The following SMC5 variants were observed in gnomAD, a reference collection of about 807,000 sequenced individuals.
SMC5 encodes the protein structural maintenance of chromosomes 5.
SMC5 carries 88 observed loss-of-function variants against 148.3 expected under a neutral mutation model. The ratio of observed to expected loss-of-function variants is 0.59; its 90% CI spans 0.50 to 0.71. SMC5 has a LOEUF of 0.71. SMC5 is among the 30% of genes least tolerant of loss of function. SMC5 has a pLI of 0.00. For synonymous variants in SMC5, 421 were observed against 432.8 expected (o/e 0.97, Z 0.34); for missense variants, 1,142 against 1,298.9 (o/e 0.88, Z 1.86).
At chr9:70,311,420 A>G (rs1021408760) in intron 11 of SMC5, 2 of 152,206 alleles carry the variant, frequency 1.3e-5, no homozygotes, top group Non-Finnish European at 2.9e-5. Context: ...TGGCACTCCA[A>G]TGACAATGGT....
intron 9 of SMC5, among the ~76,000 whole-genome samples, chr9:70,298,496 T>C (rs2035268017): frequency 1.3e-5 from 2 of 152,210 alleles, no homozygotes; most frequent in African/African-American, 4.8e-5. Flanking sequence ...ACAAAGTCAC[T>C]CACTATTACT....
At chr9:70,281,615 G>T (rs2034752136) in intron 6 of SMC5, among the ~76,000 whole-genome samples, 1 of 152,168 alleles carries the variant, frequency 6.6e-6, no homozygotes, top group Admixed American at 6.5e-5. Context: ...AAGTTTTGTA[G>T]TGTTTGTTCC....
chr9:70,312,578 G>T (rs913322623), intron 11 of SMC5, among the ~76,000 whole-genome samples: 10 of 152,194 alleles, frequency 6.6e-5, no homozygotes, highest in Non-Finnish European at 1.3e-4. Flanking sequence ...TTCCACAAAT[G>T]CTCTTTATTA....
chr9:70,347,544 A>G (rs935156819), intron 20 of SMC5, 69 bp from the exon 21 acceptor site: 8 of 815,594 alleles, frequency 9.8e-6, no homozygotes, highest in African/African-American at 8.9e-5. Context: ...GTTTTAATCA[A>G]TGCAAAATTG....
At chr9:70,277,198 CATA>C in intron 3 of SMC5, 109 bp from the exon 4 acceptor site, 1 of 852,652 alleles carries the variant, frequency 1.2e-6, no homozygotes, top group Non-Finnish European at 1.6e-6. Flanking sequence ...GAGTAAAAAT[CATA>C]ATAATAATTC....
chr9:70,311,235 C>T (rs1215893865), intron 11 of SMC5: 1 of 152,134 alleles, frequency 6.6e-6, no homozygotes, highest in South Asian at 2.1e-4. Context: ...TTCACCTGAA[C>T]ACTTAGAGGC....
chr9:70,311,687 AC>A (rs1420031701), intron 11 of SMC5: 17 of 149,244 alleles, frequency 1.1e-4, no homozygotes, highest in African/African-American at 4.2e-4. Context: ...ATTACCCACT[AC>A]CATTTGACCA....
intron 7 of SMC5, among the ~76,000 whole-genome samples, chr9:70,283,731 T>C (rs1042165883): frequency 6.6e-6 from 1 of 152,188 alleles, no homozygotes; most frequent in Non-Finnish European, 1.5e-5. Context: ...GAAAAAATTG[T>C]ATGAAACATG....
chr9:70,266,964 C>T (rs966893765), intron 2 of SMC5, among the ~76,000 whole-genome samples: 5 of 151,350 alleles, frequency 3.3e-5, no homozygotes, highest in African/African-American at 1.2e-4. Context: ...GAGATTTGAA[C>T]CTAGATAGTA....
chr9:70,263,295 T>C (rs2117947056), intron 1 of SMC5, among the ~76,000 whole-genome samples: 1 of 152,334 alleles, frequency 6.6e-6, no homozygotes, highest in African/African-American at 2.4e-5. Context: ...AGATGCTGTG[T>C]AGAGGTGTGG....
intron 8 of SMC5, among the ~76,000 whole-genome samples, chr9:70,290,749 C>T (rs1034586518): frequency 9.2e-5 from 14 of 152,092 alleles, no homozygotes; most frequent in African/African-American, 2.7e-4. Flanking sequence ...AAAAAAAGTA[C>T]GTGTGCTCAC....
chr9:70,315,926 A>C (rs1039148157), intron 13 of SMC5, among the ~76,000 whole-genome samples: 2 of 152,058 alleles, frequency 1.3e-5, no homozygotes, highest in Admixed American at 1.3e-4. Context: ...TAGTCTTTTA[A>C]ATTATTATAT....
chr9:70,303,604 A>T (rs1262161740), intron 10 of SMC5, among the ~76,000 whole-genome samples: 2 of 152,220 alleles, frequency 1.3e-5, no homozygotes, highest in Admixed American at 6.5e-5. Context: ...CATTTATGCG[A>T]CAAGCACTGT....
intron 1 of SMC5, 78 bp downstream of exon 1, chr9:70,259,341 C>T (rs1170752439): frequency 1.4e-6 from 2 of 1,440,196 alleles, no homozygotes; most frequent in East Asian, 2.5e-5. Flanking sequence ...AGCGCGCGGG[C>T]GTGGGCGTGT....
chr9:70,346,651 T>C lies in SMC5; in HGVS notation c.2568+2T>C, dbSNP rs1165776736. 6.2e-7 allele frequency: 1 copy of C among 1,613,956 alleles called. No homozygotes were observed. Among genetic ancestry groups the C allele is most frequent in the East Asian group, 2.2e-5 (1 of 44,868 alleles). ...GGACACAACTCCTCACTCCCCATGG[T>C]ATGCAGTACTCATTCTTTTTTCCCA... On this transcript the variant is annotated splice_donor_variant, in intron 19 of 24. Transcript: ENST00000361138. LOFTEE classifies it high-confidence loss of function.
intron 3 of SMC5, among the ~76,000 whole-genome samples, chr9:70,270,201 A>G (rs1262546587): frequency 6.6e-6 from 1 of 152,166 alleles, no homozygotes; most frequent in African/African-American, 2.4e-5. Flanking sequence ...TGGTCCAGTT[A>G]TTTGCTAGGA....
At chr9:70,334,127 TTG>T (rs1310735275) in intron 17 of SMC5, among the ~76,000 whole-genome samples, 7 of 144,734 alleles carry the variant, frequency 4.8e-5, no homozygotes, top group South Asian at 2.1e-4. Flanking sequence ...TCAGTTGTTG[TTG>T]TTTTTTTTTT....
rs745321978 is a variant in SMC5 at position 70,259,165 on chromosome 9, G to A, written c.87G>A (p.Pro29=). ...ALPRDPSSEV[P]SKRKNSAPQL... is the part of the protein sequence containing the mutation. ...CGAGAGACCCTTCGTCGGAGGTCCC[G>A]AGCAAGAGGAAGAATTCGGCCCCGC... Residue 29 remains proline (P), a synonymous_variant, in exon 1 of 25, where the codon CCG becomes CCA. Transcript: ENST00000361138. 13 of 1,611,674 alleles carry A rather than the reference G, an allele frequency of 8.1e-6. No homozygotes were observed. The highest frequency in any genetic ancestry group is 1.1e-5 in the Non-Finnish European group (13 of 1,178,990).
rs189746648 is a variant in SMC5, at chr9:70,327,386, T to C, written c.2397+3243T>C. On this transcript the variant is annotated intron_variant, in intron 17 of 24. Transcript: ENST00000361138. ...AAAAATGTCTAAATGCACAAGTTTA[T>C]AATGATGCTAAAATAAAATAATATT... 7.6e-3 allele frequency among the ~76,000 whole-genome samples: 1,161 copies of C among 152,352 alleles called. 3 individuals carry two copies. The highest frequency in any genetic ancestry group is 0.013 in the Non-Finnish European group (897 of 68,028).
Sources: allele counts gnomAD v4.1 joint callset (sites outside exome capture counted in the v4.1 genomes callset), GRCh38; gene constraint gnomAD v4.1.1; transcripts MANE v1.5; gene names NCBI Gene and HGNC (gene_info 2026-07-23, HGNC 2026-07-21).